Variants in NEMP2 observed in about 807,000 individuals in gnomAD.
NEMP2 encodes UPF0571 transmembrane protein.
Under a neutral mutation model 54.2 loss-of-function variants are expected in NEMP2, and 53 were observed. The ratio of observed to expected loss-of-function variants is 0.98; its 90% CI spans 0.78 to 1.23. The LOEUF is 1.23. NEMP2 is among the 50% of genes most tolerant of loss of function. The pLI is 0.00. For synonymous variants in NEMP2, 197 were observed against 190.3 expected (o/e 1.04, Z -0.29); for missense variants, 455 against 511.3 (o/e 0.89, Z 1.06).
chr2:190,566,996 A>ACC, the NEMP2 span, among the ~76,000 whole-genome samples: 1 of 152,164 alleles, frequency 6.6e-6, no homozygotes, highest in East Asian at 1.9e-4. Context: ...CTCTAACCTA[A>ACC]AAGAGAGGAG....
At chr2:190,450,517 G>T in the NEMP2 span, among the ~76,000 whole-genome samples, 1 of 91,166 alleles carries the variant, frequency 1.1e-5, no homozygotes. Flanking sequence ...TTTGAGACAG[G>T]GGTCTCACTC....
At chr2:190,644,731 G>C in the NEMP2 span, among the ~76,000 whole-genome samples, 1 of 152,114 alleles carries the variant, frequency 6.6e-6, no homozygotes, top group Non-Finnish European at 1.5e-5. This position sits in a 1 kb window ranked among gnomAD's most constrained non-coding sequence, Gnocchi z 4.4. Flanking sequence ...ACAACAGACA[G>C]CGCGGTCTAC....
rs1691023255 is a variant in NEMP2, at chr2:190,528,414, G to C, written c.98-3036C>G. Among the ~76,000 whole-genome samples, 3 of 152,250 alleles carry C rather than the reference G, an allele frequency of 2.0e-5. No homozygotes were observed. In the South Asian group the frequency reaches 6.2e-4, roughly 32 times the overall value. ...TCGGGGGGGTCTCTAAGCATGGCTA[G>C]AGTTAATAACTTTATACTGGGAGTC... On this transcript the variant is annotated intron_variant, in intron 1 of 8. Coordinates refer to ENST00000409150, the MANE Select transcript of NEMP2 (RefSeq NM_001142645.2). This position sits in a 1 kb window ranked among gnomAD's most constrained non-coding sequence, Gnocchi z 4.3.
At chr2:190,547,621 G>A in the NEMP2 span, among the ~76,000 whole-genome samples, 2 of 152,210 alleles carry the variant, frequency 1.3e-5, no homozygotes, top group East Asian at 3.8e-4. This position sits in a 1 kb window ranked among gnomAD's most constrained non-coding sequence, Gnocchi z 6.2. Flanking sequence ...CACCTCCTGG[G>A]TTCAAGCGAT....
chr2:190,491,136 A>G, the NEMP2 span, among the ~76,000 whole-genome samples: 1 of 152,250 alleles, frequency 6.6e-6, no homozygotes, highest in Non-Finnish European at 1.5e-5. The surrounding 1 kb of genome is among the most constrained non-coding windows in gnomAD (Gnocchi z 4.2). Flanking sequence ...TAAACATTCA[A>G]TGTAAGAAAC....
chr2:190,553,976 C>A, the NEMP2 span, among the ~76,000 whole-genome samples: 1 of 152,234 alleles, frequency 6.6e-6, no homozygotes, highest in Non-Finnish European at 1.5e-5. Context: ...GTTCATCTCA[C>A]TGGGACTGGT....
the NEMP2 span, among the ~76,000 whole-genome samples, chr2:190,640,311 G>C: frequency 1.3e-5 from 2 of 151,970 alleles, no homozygotes; most frequent in Non-Finnish European, 2.9e-5. Context: ...CTCTTGGTTC[G>C]ACTTGCCAAA....
chr2:190,589,000 G>A, the NEMP2 span, among the ~76,000 whole-genome samples: 2 of 152,154 alleles, frequency 1.3e-5, no homozygotes, highest in Admixed American at 6.6e-5. This position sits in a 1 kb window ranked among gnomAD's most constrained non-coding sequence, Gnocchi z 5.0. Flanking sequence ...AATTCTATTT[G>A]AATATCTTTA....
At chr2:190,647,915 C>T in the NEMP2 span, among the ~76,000 whole-genome samples, 954 of 152,172 alleles carry the variant, frequency 6.3e-3, 17 homozygotes, top group African/African-American at 0.022. Context: ...GATTTCACCA[C>T]GTTAGCCAGG....
At chr2:190,599,979 T>TCA in the NEMP2 span, among the ~76,000 whole-genome samples, 1 of 152,166 alleles carries the variant, frequency 6.6e-6, no homozygotes, top group Admixed American at 6.5e-5. Context: ...ACAGCGGCTT[T>TCA]CACACACACT....
the NEMP2 span, among the ~76,000 whole-genome samples, chr2:190,476,746 C>T: frequency 2.0e-5 from 3 of 152,130 alleles, no homozygotes; most frequent in African/African-American, 4.8e-5. Context: ...TATAAAGACA[C>T]ATGCACACAT....
the NEMP2 span, among the ~76,000 whole-genome samples, chr2:190,446,286 A>G: frequency 0.7 from 105,983 of 151,994 alleles, 38,128 homozygotes; most frequent in Admixed American, 0.79. Flanking sequence ...TGCTGTTTTC[A>G]CAACATAAAA....
chr2:190,615,425 G>T, the NEMP2 span, among the ~76,000 whole-genome samples: 143 of 152,360 alleles, frequency 9.4e-4, 1 homozygote, highest in African/African-American at 3.2e-3. This position sits in a 1 kb window ranked among gnomAD's most constrained non-coding sequence, Gnocchi z 4.7. Context: ...CAGCCAGATG[G>T]AAGAGATGCC....
rs916866493 is a variant in NEMP2 at position 190,533,850 on chromosome 2, G to C, written c.97+709C>G. Among the ~76,000 whole-genome samples, 7 of 151,888 alleles carry C rather than the reference G, an allele frequency of 4.6e-5. No homozygotes were observed. Among genetic ancestry groups the C allele is most frequent in the African/African-American group, 1.5e-4 (6 of 41,366 alleles). Reference sequence around the variant, plus strand: ...TCTGGAGTTGGAACTCTAGGTTTCTGACTTCCCCAGGTGTCCTTCCCAGAT... The same window carrying C: ...TCTGGAGTTGGAACTCTAGGTTTCTCACTTCCCCAGGTGTCCTTCCCAGAT... On this transcript the variant is annotated intron_variant, in intron 1 of 8. Transcript: ENST00000409150. This position sits in a 1 kb window ranked among gnomAD's most constrained non-coding sequence, Gnocchi z 4.3.
the NEMP2 span, among the ~76,000 whole-genome samples, chr2:190,572,834 TATATATATATATATATA>T: frequency 2.6e-5 from 1 of 37,768 alleles, no homozygotes; most frequent in African/African-American, 8.1e-5. Context: ...TTTTCATGAG[TATATATATATATATATA>T]TATATATATA....
the NEMP2 span, among the ~76,000 whole-genome samples, chr2:190,614,329 C>T: frequency 3.9e-5 from 6 of 152,008 alleles, no homozygotes; most frequent in African/African-American, 9.7e-5. The surrounding 1 kb of genome is among the most constrained non-coding windows in gnomAD (Gnocchi z 5.7). Context: ...TCTTAAAAAC[C>T]CCAGAGTAGC....
the NEMP2 span, among the ~76,000 whole-genome samples, chr2:190,595,473 C>G: frequency 9.2e-5 from 14 of 152,178 alleles, no homozygotes; most frequent in Non-Finnish European, 1.3e-4. This position sits in a 1 kb window ranked among gnomAD's most constrained non-coding sequence, Gnocchi z 4.0. Flanking sequence ...AGGCAACATA[C>G]AGAGTGGGAA....
the NEMP2 span, among the ~76,000 whole-genome samples, chr2:190,489,332 A>T: frequency 2.0e-5 from 3 of 152,226 alleles, no homozygotes; most frequent in African/African-American, 4.8e-5. The surrounding 1 kb of genome is among the most constrained non-coding windows in gnomAD (Gnocchi z 6.6). Flanking sequence ...TGCTCCAGGA[A>T]TCTTAACTAC....
At chr2:190,546,106 CA>C in the NEMP2 span, among the ~76,000 whole-genome samples, 1 of 152,128 alleles carries the variant, frequency 6.6e-6, no homozygotes, top group Admixed American at 6.5e-5. The surrounding 1 kb of genome is among the most constrained non-coding windows in gnomAD (Gnocchi z 5.1). Context: ...AGTCATGTTT[CA>C]AAAGAAACCG....
Sources: allele counts gnomAD v4.1 joint callset (sites outside exome capture counted in the v4.1 genomes callset), GRCh38; gene constraint gnomAD v4.1.1; non-coding constraint Gnocchi (gnomAD v3.1); transcripts MANE v1.5; gene names NCBI Gene and HGNC (gene_info 2026-07-23, HGNC 2026-07-21).